The following NECTIN3 variants were observed in gnomAD, a reference collection of about 807,000 sequenced individuals.
The protein encoded by NECTIN3 is nectin-3.
Under a neutral mutation model 49.4 loss-of-function variants are expected in NECTIN3, and 8 were observed. The ratio of observed to expected loss-of-function variants is 0.16; its 90% CI spans 0.10 to 0.29. The LOEUF (loss-of-function observed/expected upper bound fraction) is 0.29, where lower values mean the gene tolerates loss of function less well. Among genes scored for constraint, NECTIN3 ranks in the 10% least tolerant of loss-of-function variants. The pLI, the probability that NECTIN3 is intolerant of heterozygous loss-of-function variation, is 1.00. For missense variants in NECTIN3, 581 were observed against 654.6 expected, an observed-to-expected ratio of 0.89 and a Z score of 1.23; for synonymous variants, 277 against 241.1, an observed-to-expected ratio of 1.15 and a Z score of -1.38.
chr3:111,157,356 CAAA>C (rs2035118564), intron 7 of NECTIN3, among the ~76,000 whole-genome samples: 1 of 151,976 alleles, frequency 6.6e-6, no homozygotes, highest in East Asian at 1.9e-4. Context: ...GACAACCAAA[CAAA>C]AAACTTAGAA....
Position 111,136,802 on chromosome 3 carries a change from A to G in NECTIN3, c.*2587A>G. ...CTTTCATACTGGTTAAAATATTTCA[A>G]TGATATAATGAAGATGAATGCAACT... is the stretch of plus-strand genomic sequence containing the variant. On this transcript the variant is annotated 3_prime_UTR_variant, in exon 6 of 6. Coordinates refer to ENST00000485303, the MANE Select transcript of NECTIN3 (RefSeq NM_015480.3). 1.1e-6 allele frequency: 1 copy of G among 940,710 alleles called. No individual in the cohort carries two copies. Among genetic ancestry groups the G allele is most frequent in the Non-Finnish European group, 1.3e-6 (1 of 789,574 alleles). The allele number at this position is 940,710 out of a possible 1,614,324, so 58.3% of individuals were successfully genotyped here. A position where few individuals can be genotyped will look rare whatever the true frequency, so the allele number is the denominator to read the frequency against.
intron 1 of NECTIN3, chr3:111,077,121 T>C (rs1044981237): frequency 1.7e-5 from 6 of 363,530 alleles, no homozygotes; most frequent in East Asian, 7.6e-5. Flanking sequence ...ATATCGCAGG[T>C]ATTATAGTTA....
chr3:111,100,373 C>T (rs2032835002), intron 1 of NECTIN3, among the ~76,000 whole-genome samples: 1 of 152,106 alleles, frequency 6.6e-6, no homozygotes, highest in Admixed American at 6.5e-5. Context: ...CAACTTTGTT[C>T]TCTGATGGTT....
chr3:111,117,367 T>C (rs1458275837), intron 2 of NECTIN3, among the ~76,000 whole-genome samples: 1 of 152,066 alleles, frequency 6.6e-6, no homozygotes, highest in Non-Finnish European at 1.5e-5. Context: ...GTCAATATAA[T>C]AGTTTCACAT....
chr3:111,179,182 T>TC (rs2035584557), intron 7 of NECTIN3, among the ~76,000 whole-genome samples: 1 of 152,212 alleles, frequency 6.6e-6, no homozygotes, highest in South Asian at 2.1e-4. Context: ...GCCTTCTTTC[T>TC]TAAATGCTAG....
downstream of NECTIN3, among the ~76,000 whole-genome samples, chr3:111,138,447 T>G (rs77982372): frequency 0.04 from 6,125 of 151,624 alleles, 708 homozygotes; most frequent in East Asian, 0.45. Flanking sequence ...TCTGTTATAG[T>G]CCAGTCATCT....
At chr3:111,093,742 A>C (rs921935731) in intron 1 of NECTIN3, among the ~76,000 whole-genome samples, 5 of 152,128 alleles carry the variant, frequency 3.3e-5, no homozygotes, top group African/African-American at 1.2e-4. Context: ...GGCTTTATGT[A>C]TCTCTTAAAC....
intron 7 of NECTIN3, among the ~76,000 whole-genome samples, chr3:111,151,678 G>A (rs1018386570): frequency 1.1e-4 from 16 of 151,796 alleles, no homozygotes; most frequent in African/African-American, 3.9e-4. Flanking sequence ...CAGTGTGTCA[G>A]CACTGTTAAC....
chr3:111,097,089 G>A (rs1344033822), intron 1 of NECTIN3, among the ~76,000 whole-genome samples: 1 of 152,216 alleles, frequency 6.6e-6, no homozygotes, highest in Non-Finnish European at 1.5e-5. Context: ...GAGGGAGGCT[G>A]TACCCTGCAA....
At chr3:111,138,430 T>A (rs187546073), downstream of NECTIN3, among the ~76,000 whole-genome samples, 3 of 151,352 alleles carry the variant, frequency 2.0e-5, no homozygotes, top group Admixed American at 2.0e-4. Context: ...TATTTCTGGG[T>A]TTTTTTTCTG....
intron 3 of NECTIN3, among the ~76,000 whole-genome samples, chr3:111,120,996 TC>T (rs2033926046): frequency 1.3e-5 from 2 of 150,614 alleles, no homozygotes; most frequent in African/African-American, 2.4e-5. Flanking sequence ...GTGTATTATT[TC>T]TTTCTTTTTT....
At chr3:111,091,203 A>G (rs189951658) in intron 1 of NECTIN3, among the ~76,000 whole-genome samples, 28 of 152,208 alleles carry the variant, frequency 1.8e-4, no homozygotes, top group South Asian at 1.7e-3. Flanking sequence ...ACTATTCTAT[A>G]TATTTCATTA....
At chr3:111,141,218 TGAA>T (rs1261111146), downstream of NECTIN3, among the ~76,000 whole-genome samples, 3 of 151,884 alleles carry the variant, frequency 2.0e-5, no homozygotes, top group Admixed American at 1.3e-4. Context: ...CTATTACAAA[TGAA>T]GAATGGGATT....
chr3:111,107,683 T>C (rs191682080), intron 1 of NECTIN3, among the ~76,000 whole-genome samples: 3 of 152,296 alleles, frequency 2.0e-5, no homozygotes, highest in Admixed American at 2.0e-4. Flanking sequence ...CTCAGCTTCA[T>C]GTGGGAAAGT....
At chr3:111,158,212 T>C (rs370995347) in intron 7 of NECTIN3, among the ~76,000 whole-genome samples, 90 of 152,170 alleles carry the variant, frequency 5.9e-4, no homozygotes, top group African/African-American at 2.1e-3. Context: ...TTAACCACAA[T>C]GAATATTAGA....
chr3:111,095,292 A>G (rs2032520807), intron 1 of NECTIN3, among the ~76,000 whole-genome samples: 1 of 151,638 alleles, frequency 6.6e-6, no homozygotes, highest in African/African-American at 2.4e-5. Context: ...CTTTTCAGAA[A>G]AGGTTCCATG....
intron 7 of NECTIN3, among the ~76,000 whole-genome samples, chr3:111,157,465 G>C (rs1334357508): frequency 1.3e-5 from 2 of 151,884 alleles, no homozygotes; most frequent in African/African-American, 2.4e-5. Flanking sequence ...TAGTTGGTCT[G>C]TTTTTTTCCA....
At chr3:111,072,601 A>C in intron 1 of NECTIN3, 12 of 1,529,546 alleles carry the variant, frequency 7.8e-6, no homozygotes, top group Non-Finnish European at 1.1e-5. Context: ...CCGGAGCCCG[A>C]TGGAATGAAG....
At chr3:111,097,067 C>T (rs192465277) in intron 1 of NECTIN3, among the ~76,000 whole-genome samples, 13 of 152,298 alleles carry the variant, frequency 8.5e-5, no homozygotes, top group African/African-American at 2.6e-4. Context: ...AATGCCAGCC[C>T]GTGAAAGCCG....
Sources: gnomAD v4.1 joint callset for allele counts (sites outside exome capture counted in the v4.1 genomes callset) on GRCh38, gnomAD v4.1.1 for gene constraint, MANE v1.5 for transcripts, NCBI Gene and HGNC (gene_info 2026-07-23, HGNC 2026-07-21) for gene names.